The following PRR5L variants were observed in gnomAD, a reference collection of about 807,000 sequenced individuals.
PRR5L encodes proline rich 5 like, also known as proline-rich protein 5-like.
In PRR5L, 21 loss-of-function variants were observed where a neutral mutation model predicts 36.4. The ratio of observed to expected loss-of-function variants is 0.58; its 90% CI spans 0.41 to 0.83. The LOEUF (loss-of-function observed/expected upper bound fraction) is 0.83. Ranked by LOEUF, PRR5L falls within the 40% of genes least tolerant of loss-of-function variation. The probability of loss-of-function intolerance (pLI) is 0.00; values close to 1 mark genes in which losing one functional copy is unlikely to be tolerated. For synonymous variants in PRR5L, 188 were observed against 197.0 expected, an observed-to-expected ratio of 0.95 and a Z score of 0.38; for missense variants, 381 against 473.3, an observed-to-expected ratio of 0.80 and a Z score of 1.81.
Position 36,445,013 on chromosome 11 carries a change from A to G in PRR5L, c.445-1287A>G, listed in dbSNP as rs553273482. Among the ~76,000 whole-genome samples, 29 of 152,362 alleles carry G rather than the reference A, an allele frequency of 1.9e-4. No homozygotes were observed. In the South Asian group the frequency reaches 6.0e-3, roughly 32 times the overall value. Reference sequence around the variant, plus strand: ...AACCCAGTCAAAGTCTCTCATTATAAGATAACTTATTTAAAGCACCCAACA... The same window carrying G: ...AACCCAGTCAAAGTCTCTCATTATAGGATAACTTATTTAAAGCACCCAACA... On this transcript the variant is annotated intron_variant, in intron 6 of 8. Transcript: ENST00000530639.
In PRR5L at chr11:36,344,399, C is replaced by T. The variant is rs1246914672; in HGVS notation, c.-126+47961C>T. On this transcript the variant is annotated intron_variant, in intron 1 of 8. Transcript: ENST00000530639. The surrounding 1 kb of genome is among the most constrained non-coding windows in gnomAD (Gnocchi z 4.1). ...ACAGTTTTGTGTTTTGCTTCCTTAA[C>T]ATGTTATAAATATTTCTTGATATTA... Among the ~76,000 whole-genome samples, 1 of 152,152 alleles carries T rather than the reference C, an allele frequency of 6.6e-6. No individual in the cohort carries two copies. Among genetic ancestry groups the T allele is most frequent in the Non-Finnish European group, 1.5e-5 (1 of 68,028 alleles).
chr11:36,450,193 T>C (rs1858915210), intron 7 of PRR5L, among the ~76,000 whole-genome samples: 1 of 152,202 alleles, frequency 6.6e-6, no homozygotes, highest in Non-Finnish European at 1.5e-5. Context: ...TCCTGCCTCA[T>C]TACCTGAACA....
intron 6 of PRR5L, among the ~76,000 whole-genome samples, chr11:36,439,707 T>C (rs971940987): frequency 6.6e-6 from 1 of 152,198 alleles, no homozygotes; most frequent in African/African-American, 2.4e-5. Context: ...GTATATAGCA[T>C]ACCCTGAAAA....
chr11:36,414,400 G>A (rs1858097424), intron 3 of PRR5L, among the ~76,000 whole-genome samples: 2 of 148,700 alleles, frequency 1.3e-5, no homozygotes, highest in Admixed American at 1.3e-4. Flanking sequence ...TTTAATGATT[G>A]CCATTCTAAC....
intron 1 of PRR5L, chr11:36,380,662 C>T (rs1332057947): frequency 6.6e-6 from 1 of 152,134 alleles, no homozygotes; most frequent in African/African-American, 2.4e-5. Flanking sequence ...CCCTAATTAC[C>T]ATCAACTAAG....
At chr11:36,379,180 T>C (rs1302188748) in intron 1 of PRR5L, among the ~76,000 whole-genome samples, 4 of 152,256 alleles carry the variant, frequency 2.6e-5, no homozygotes, top group African/African-American at 9.6e-5. Flanking sequence ...TAATGTATCT[T>C]CAGCATTAAA....
At chr11:36,446,239 T>A (rs112588084) in intron 6 of PRR5L, 61 bp from the exon 7 acceptor site, 48 of 1,584,744 alleles carry the variant, frequency 3.0e-5, no homozygotes, top group Non-Finnish European at 4.1e-5. Context: ...GAACCCCACA[T>A]GGTCGGTGGC....
At chr11:36,350,794 G>C (rs1346864499) in intron 1 of PRR5L, among the ~76,000 whole-genome samples, 2 of 149,998 alleles carry the variant, frequency 1.3e-5, no homozygotes, top group African/African-American at 4.9e-5. Flanking sequence ...ACGATGTTTG[G>C]TTTTCCATTC....
In PRR5L at chr11:36,301,870, G is replaced by A. The variant is rs888529660; in HGVS notation, c.-126+5432G>A. ...GTGATGAAATTATTGTGTTTTAGGT[G>A]GGAGAATACCCCCTCATCTTTTTTT... On this transcript the variant is annotated intron_variant, in intron 1 of 8. Coordinates refer to ENST00000530639, the MANE Select transcript of PRR5L (RefSeq NM_001160167.2). 3.9e-5 allele frequency among the ~76,000 whole-genome samples: 6 copies of A among 152,186 alleles called. No homozygotes were observed. In the South Asian group the frequency reaches 1.0e-3, roughly 26 times the overall value.
chr11:36,327,723 C>T (rs1856679171), intron 1 of PRR5L, among the ~76,000 whole-genome samples: 1 of 152,134 alleles, frequency 6.6e-6, no homozygotes, highest in South Asian at 2.1e-4. Flanking sequence ...CTCCACAATC[C>T]CTTATCTTAA....
At chr11:36,429,814 G>C (rs1337269488) in intron 4 of PRR5L, among the ~76,000 whole-genome samples, 1 of 152,188 alleles carries the variant, frequency 6.6e-6, no homozygotes, top group Admixed American at 6.5e-5. Context: ...AAGCATTCAG[G>C]TGGAGTGGTT....
rs753480774 is a variant in PRR5L at position 36,462,535 on chromosome 11, G to A, written c.906G>A (p.Leu302=). 6 of 1,609,242 alleles carry A rather than the reference G, an allele frequency of 3.7e-6. No individual in the cohort carries two copies. The highest frequency in any genetic ancestry group is 5.1e-6 in the Non-Finnish European group (6 of 1,177,372). Reference sequence around the variant, plus strand: ...ATGCCCACTCGGACATCCAGCTGCTGGCCATGGCCACCATGATGCACTCGG... The same window carrying A: ...ATGCCCACTCGGACATCCAGCTGCTAGCCATGGCCACCATGATGCACTCGG... The part of the protein sequence containing the change: ...VANAHSDIQL[L]AMATMMHSGL... The change falls in exon 9 of 9, where the codon CTG becomes CTA. Residue 302 remains leucine, a synonymous_variant. Transcript: ENST00000530639.
At chr11:36,324,913 C>T (rs1856644805) in intron 1 of PRR5L, among the ~76,000 whole-genome samples, 1 of 152,036 alleles carries the variant, frequency 6.6e-6, no homozygotes. Context: ...ATTTTGTAAT[C>T]TTTCTAAAAA....
At position 36,331,505 on chromosome 11, in the gene PRR5L, T is replaced by C. The variant is rs116350359; in HGVS notation, c.-126+35067T>C. Among the ~76,000 whole-genome samples, 981 of 152,352 alleles carry C rather than the reference T, an allele frequency of 6.4e-3. 15 individuals are homozygous for C. Among genetic ancestry groups the C allele is most frequent in the African/African-American group, 0.022 (928 of 41,588 alleles). On this transcript the variant is annotated intron_variant, in intron 1 of 8. Coordinates refer to ENST00000530639, the MANE Select transcript of PRR5L (RefSeq NM_001160167.2). ...TAACATAAAGCATAGGAAATTATTC[T>C]GATAAGACAGAGAATCCTTGTTTCC...
rs2133454357 is a variant in PRR5L, at chr11:36,309,993, C to T, written c.-126+13555C>T. 2.0e-5 allele frequency among the ~76,000 whole-genome samples: 3 copies of T among 152,424 alleles called. No individual in the cohort carries two copies. The Middle Eastern group carries it at 0.01, about 518-fold the overall frequency. ...ACCACCACCATCATCCCCACTACGA[C>T]CACCACCATCACTATTAGAGCAGAA... On this transcript the variant is annotated intron_variant, in intron 1 of 8. Coordinates refer to ENST00000530639, the MANE Select transcript of PRR5L (RefSeq NM_001160167.2).
At chr11:36,402,435 A>C (rs1367633459) in intron 2 of PRR5L, among the ~76,000 whole-genome samples, 1 of 151,924 alleles carries the variant, frequency 6.6e-6, no homozygotes, top group Non-Finnish European at 1.5e-5. Flanking sequence ...TAGAGACGGG[A>C]TTTCACCATG....
At position 36,401,157 on chromosome 11, in the gene PRR5L, G is replaced by A; in HGVS notation, c.36G>A (p.Glu12=). Residue 12 remains glutamate (E), a synonymous_variant, in exon 2 of 9, where the codon GAG becomes GAA. Coordinates refer to ENST00000530639, the MANE Select transcript of PRR5L (RefSeq NM_001160167.2). ...GCTTCGCTCCCATTCTGCCCGTCGA[G>A]TTCCACAAGATGGGCTCCTTCCGCA... The part of the protein sequence containing the change: ...TRGFAPILPV[E]FHKMGSFRRP... The A allele has an allele frequency of 1.9e-6, 3 of 1,614,180 alleles. No homozygotes were observed. The highest frequency in any genetic ancestry group is 1.7e-6 in the Non-Finnish European group (2 of 1,180,032).
chr11:36,308,954 C>A (rs993011497), intron 1 of PRR5L, among the ~76,000 whole-genome samples: 1 of 152,196 alleles, frequency 6.6e-6, no homozygotes, highest in Non-Finnish European at 1.5e-5. Flanking sequence ...ACCTGCAGAT[C>A]TGTAAGTGAG....
intron 1 of PRR5L, among the ~76,000 whole-genome samples, chr11:36,335,080 T>C (rs1425552065): frequency 6.6e-6 from 1 of 151,228 alleles, no homozygotes; most frequent in Non-Finnish European, 1.5e-5. Context: ...ATCTATGTTT[T>C]GAGTGGAGAT....
Sources: gnomAD v4.1 joint callset for allele counts (sites outside exome capture counted in the v4.1 genomes callset) on GRCh38, gnomAD v4.1.1 for gene constraint, Gnocchi (gnomAD v3.1) non-coding constraint, MANE v1.5 for transcripts, NCBI Gene and HGNC (gene_info 2026-07-23, HGNC 2026-07-21) for gene names.